The following DLG2 variants were observed in gnomAD, a reference collection of about 807,000 sequenced individuals.
The protein encoded by DLG2 is disks large homolog 2.
Under a neutral mutation model 132.5 loss-of-function variants are expected in DLG2, and 45 were observed. The ratio of observed to expected loss-of-function variants is 0.34; its 90% CI spans 0.27 to 0.44. The LOEUF (loss-of-function observed/expected upper bound fraction) is 0.44, where lower values mean the gene tolerates loss of function less well. Among genes scored for constraint, DLG2 ranks in the 20% least tolerant of loss-of-function variants. DLG2 has a pLI of 1.00. For missense variants in DLG2, 1,045 were observed against 1,196.9 expected (o/e 0.87, Z 1.87); for synonymous variants, 424 against 419.6 (o/e 1.01, Z -0.13).
intron 4 of DLG2, among the ~76,000 whole-genome samples, chr11:85,159,613 C>T (rs1230457558): frequency 6.6e-6 from 1 of 152,182 alleles, no homozygotes; most frequent in African/African-American, 2.4e-5. Context: ...ATAAGCTTAA[C>T]CAAGTGGTGA....
At chr11:85,122,842 A>G (rs1171244280) in intron 5 of DLG2, among the ~76,000 whole-genome samples, 1 of 149,686 alleles carries the variant, frequency 6.7e-6, no homozygotes, top group Non-Finnish European at 1.5e-5. Flanking sequence ...ATATACACAC[A>G]CACACATAAA....
intron 6 of DLG2, among the ~76,000 whole-genome samples, chr11:84,535,032 C>G (rs934012784): frequency 5.3e-5 from 8 of 152,164 alleles, no homozygotes; most frequent in African/African-American, 1.2e-4. Context: ...TTACTTTATT[C>G]AAGTAAGTGA....
intron 6 of DLG2, among the ~76,000 whole-genome samples, chr11:84,983,040 T>C (rs754440387): frequency 6.6e-6 from 1 of 152,194 alleles, no homozygotes; most frequent in African/African-American, 2.4e-5. Flanking sequence ...CCTCATCCTT[T>C]TTATTCAATA....
At chr11:84,376,797 A>G (rs1422208295) in intron 7 of DLG2, among the ~76,000 whole-genome samples, 1 of 151,966 alleles carries the variant, frequency 6.6e-6, no homozygotes, top group Non-Finnish European at 1.5e-5. Flanking sequence ...AAAGAATTAA[A>G]CATCTTCTCC....
chr11:84,193,348 T>G (rs1271136078), intron 8 of DLG2, among the ~76,000 whole-genome samples: 1 of 152,126 alleles, frequency 6.6e-6, no homozygotes, highest in African/African-American at 2.4e-5. Flanking sequence ...GATATTAAAC[T>G]AACACATAAG....
At chr11:85,583,130 G>GTGTGTGTGTATATATA (rs1555190569) in intron 3 of DLG2, among the ~76,000 whole-genome samples, 3 of 13,604 alleles carry the variant, frequency 2.2e-4, no homozygotes, top group Non-Finnish European at 3.2e-4. Context: ...GTGTGTGTGT[G>GTGTGTGTGTATATATA]TATATATATA....
At chr11:84,085,232 A>G (rs2154160847) in intron 10 of DLG2, among the ~76,000 whole-genome samples, 1 of 152,372 alleles carries the variant, frequency 6.6e-6, no homozygotes, top group South Asian at 2.1e-4. Flanking sequence ...ATTCAATTTC[A>G]GCAAATAATT....
chr11:85,451,572 T>G (rs2092244366), intron 3 of DLG2, among the ~76,000 whole-genome samples: 1 of 152,256 alleles, frequency 6.6e-6, no homozygotes, highest in South Asian at 2.1e-4. Context: ...ATAAGCTTCT[T>G]AACTCTTCTC....
chr11:85,561,370 A>AAAAAT (rs2077233331), intron 3 of DLG2, among the ~76,000 whole-genome samples: 1 of 112,802 alleles, frequency 8.9e-6, no homozygotes, highest in Non-Finnish European at 1.9e-5. Flanking sequence ...AAAAAAAAAT[A>AAAAAT]GCTGTGTAAA....
chr11:84,066,605 C>CA (rs1313897812), intron 10 of DLG2, among the ~76,000 whole-genome samples: 1 of 151,910 alleles, frequency 6.6e-6, no homozygotes, highest in African/African-American at 2.4e-5. Context: ...GCTAAAAATA[C>CA]AAAAAATTAG....
chr11:84,268,728 T>G (rs1331612232), intron 7 of DLG2, among the ~76,000 whole-genome samples: 3 of 152,122 alleles, frequency 2.0e-5, no homozygotes, highest in African/African-American at 7.2e-5. Context: ...CCCAAAGTGC[T>G]GGGATAACAG....
At chr11:84,029,886 T>C (rs960995279) in intron 11 of DLG2, among the ~76,000 whole-genome samples, 1 of 152,190 alleles carries the variant, frequency 6.6e-6, no homozygotes, top group Non-Finnish European at 1.5e-5. Flanking sequence ...CTCAGTTTAA[T>C]GATCACCTTC....
intron 6 of DLG2, among the ~76,000 whole-genome samples, chr11:84,585,076 T>A (rs892320273): frequency 6.6e-6 from 1 of 152,184 alleles, no homozygotes; most frequent in Non-Finnish European, 1.5e-5. Flanking sequence ...GACAAAGTCA[T>A]AATAATATTA....
intron 18 of DLG2, among the ~76,000 whole-genome samples, chr11:83,687,077 C>A (rs2079923612): frequency 2.0e-5 from 3 of 152,038 alleles, no homozygotes; most frequent in African/African-American, 7.2e-5. Flanking sequence ...TGCCACAAAC[C>A]CAAAAACTAC....
intron 19 of DLG2, among the ~76,000 whole-genome samples, chr11:83,597,886 A>G (rs912162978): frequency 6.6e-6 from 1 of 152,256 alleles, no homozygotes; most frequent in African/African-American, 2.4e-5. Flanking sequence ...TGACCTTTCA[A>G]AATACTGACA....
chr11:84,147,105 G>A (rs1326967368), intron 9 of DLG2, among the ~76,000 whole-genome samples: 1 of 152,028 alleles, frequency 6.6e-6, no homozygotes, highest in Non-Finnish European at 1.5e-5. Flanking sequence ...TCAGGTGCCA[G>A]CTTCTAAACT....
chr11:84,550,425 T>C (rs74560068), intron 6 of DLG2, among the ~76,000 whole-genome samples: 1 of 152,126 alleles, frequency 6.6e-6, no homozygotes, highest in Non-Finnish European at 1.5e-5. Context: ...ATGATGATCA[T>C]CTCTGTCCAG....
At chr11:84,438,853 G>C (rs1211338656) in intron 7 of DLG2, among the ~76,000 whole-genome samples, 1 of 152,146 alleles carries the variant, frequency 6.6e-6, no homozygotes. Context: ...TGACAGAAGT[G>C]CCCTATGAGC....
At position 84,576,256 on chromosome 11, in the gene DLG2, T is replaced by C. The variant is rs568496188; in HGVS notation, c.358-41525A>G. Reference sequence around the variant, plus strand: ...AAATAATCTATTTTGTTTGCTAATATAGCATTAATGCCTGCCACATAATAT... The same window carrying C: ...AAATAATCTATTTTGTTTGCTAATACAGCATTAATGCCTGCCACATAATAT... On this transcript the variant is annotated intron_variant, in intron 6 of 27. Coordinates refer to ENST00000376104, the MANE Select transcript of DLG2 (RefSeq NM_001142699.3). Among the ~76,000 whole-genome samples, 6 of 152,332 alleles carry C rather than the reference T, an allele frequency of 3.9e-5. No homozygotes were observed. In the South Asian group the frequency reaches 1.2e-3, roughly 32 times the overall value.
Sources: gnomAD v4.1 joint callset for allele counts (sites outside exome capture counted in the v4.1 genomes callset) on GRCh38, gnomAD v4.1.1 for gene constraint, MANE v1.5 for transcripts, NCBI Gene and HGNC (gene_info 2026-07-23, HGNC 2026-07-21) for gene names.